SH3D19: variants seen among roughly 807,000 people sequenced by gnomAD.
The protein encoded by SH3D19 is SH3 domain-containing protein 19.
Under a neutral mutation model 112.1 loss-of-function variants are expected in SH3D19, and 58 were observed. The ratio of observed to expected loss-of-function variants is 0.52; its 90% CI spans 0.42 to 0.64. The LOEUF (loss-of-function observed/expected upper bound fraction) is 0.64, where lower values mean the gene tolerates loss of function less well. SH3D19 is among the 30% of genes least tolerant of loss of function. SH3D19 has a pLI of 0.00. For synonymous variants in SH3D19, 391 were observed against 448.5 expected (o/e 0.87, Z 1.62); for missense variants, 1,090 against 1,263.4 (o/e 0.86, Z 2.08).
At chr4:151,164,294 CCG>C (rs1337107684) in intron 8 of SH3D19, among the ~76,000 whole-genome samples, 1 of 152,058 alleles carries the variant, frequency 6.6e-6, no homozygotes, top group Non-Finnish European at 1.5e-5. Flanking sequence ...AATCAGATGC[CCG>C]CAGAGAAAGC....
chr4:151,174,191 C>T (rs1759535526), intron 7 of SH3D19, among the ~76,000 whole-genome samples: 1 of 152,188 alleles, frequency 6.6e-6, no homozygotes, highest in African/African-American at 2.4e-5. Flanking sequence ...CCAGCTGAGG[C>T]CCATTTCATC....
At chr4:151,239,775 T>C (rs1770416748) in intron 1 of SH3D19, among the ~76,000 whole-genome samples, 2 of 152,312 alleles carry the variant, frequency 1.3e-5, no homozygotes, top group South Asian at 4.1e-4. Context: ...GAGGTCCATA[T>C]CATTCATTCT....
intron 4 of SH3D19, 48 bp downstream of exon 4, chr4:151,179,307 C>T: frequency 9.3e-7 from 1 of 1,070,168 alleles, no homozygotes; most frequent in Non-Finnish European, 1.2e-6. Flanking sequence ...CACACTTTTA[C>T]TCAATTATTA....
intron 1 of SH3D19, among the ~76,000 whole-genome samples, chr4:151,267,587 A>G (rs912285229): frequency 6.6e-6 from 1 of 152,220 alleles, no homozygotes; most frequent in African/African-American, 2.4e-5. Flanking sequence ...ACCTTCTAAC[A>G]ACACGTAGTA....
At chr4:151,298,043 G>C (rs1325503582) in intron 1 of SH3D19, among the ~76,000 whole-genome samples, 1 of 152,072 alleles carries the variant, frequency 6.6e-6, no homozygotes, top group Non-Finnish European at 1.5e-5. Context: ...CAATACAGGT[G>C]GCCACTAGGA....
At chr4:151,262,163 G>T (rs1772427581) in intron 1 of SH3D19, among the ~76,000 whole-genome samples, 1 of 152,196 alleles carries the variant, frequency 6.6e-6, no homozygotes, top group Non-Finnish European at 1.5e-5. Flanking sequence ...CAGCCTTTAG[G>T]TTGTTTCCCA....
chr4:151,257,112 A>C (rs541416725), intron 1 of SH3D19, among the ~76,000 whole-genome samples: 4 of 150,782 alleles, frequency 2.7e-5, no homozygotes, highest in Non-Finnish European at 5.9e-5. Context: ...TTTTGAGATG[A>C]AGTCTTGCTC....
chr4:151,324,936 G>A (rs1730904482), intron 1 of SH3D19, among the ~76,000 whole-genome samples: 1 of 152,094 alleles, frequency 6.6e-6, no homozygotes, highest in Non-Finnish European at 1.5e-5. Flanking sequence ...GACTCATCCA[G>A]AGATAAGTCA....
chr4:151,197,909 C>A (rs1228621051), intron 2 of SH3D19, among the ~76,000 whole-genome samples: 1 of 152,024 alleles, frequency 6.6e-6, no homozygotes, highest in Non-Finnish European at 1.5e-5. Flanking sequence ...GAGGCAGATA[C>A]TTTTTTTAAA....
chr4:151,234,007 A>G (rs1769813540), intron 1 of SH3D19, among the ~76,000 whole-genome samples: 1 of 152,168 alleles, frequency 6.6e-6, no homozygotes, highest in Non-Finnish European at 1.5e-5. Flanking sequence ...GTTCATGGAT[A>G]TATCTAATAT....
chr4:151,302,070 C>A (rs533147575), intron 1 of SH3D19, among the ~76,000 whole-genome samples: 1 of 152,280 alleles, frequency 6.6e-6, no homozygotes, highest in South Asian at 2.1e-4. Flanking sequence ...GATTATCCAG[C>A]CACTCAAGGT....
In SH3D19 at chr4:151,279,822, C is replaced by T. The variant is rs776335390; in HGVS notation, c.112+45419G>A. The T allele has an allele frequency of 2.2e-5, 35 of 1,613,820 alleles. No homozygotes were observed. The highest frequency in any genetic ancestry group is 1.7e-4 in the Middle Eastern group (1 of 6,044). On this transcript the variant is annotated intron_variant, in intron 1 of 19. Coordinates refer to ENST00000604030, the MANE Select transcript of SH3D19 (RefSeq NM_001378122.1). The stretch of plus-strand genomic sequence containing the variant: ...GTGTGGGCAACCTGTATACTCCAGC[C>T]GCGTTGTAGGTGGCCAGGATGCTGC...
chr4:151,154,876 G>A (rs2149789527), intron 9 of SH3D19, among the ~76,000 whole-genome samples: 1 of 152,154 alleles, frequency 6.6e-6, no homozygotes, highest in Non-Finnish European at 1.5e-5. Context: ...TCCTGCCTCA[G>A]CCTCCCAAGT....
chr4:151,254,719 T>C (rs1318276238), intron 1 of SH3D19, among the ~76,000 whole-genome samples: 17 of 143,390 alleles, frequency 1.2e-4, no homozygotes, highest in South Asian at 2.2e-4. Flanking sequence ...CCATGTCTAC[T>C]TCTTTCTACA....
chr4:151,223,317 T>A (rs541079157), intron 2 of SH3D19, among the ~76,000 whole-genome samples: 4 of 152,180 alleles, frequency 2.6e-5, no homozygotes, highest in Admixed American at 2.6e-4. Flanking sequence ...TACAAAATGA[T>A]GATTTTCTAA....
intron 1 of SH3D19, among the ~76,000 whole-genome samples, chr4:151,297,080 A>T (rs1191755754): frequency 1.3e-5 from 2 of 152,212 alleles, no homozygotes; most frequent in African/African-American, 2.4e-5. Context: ...AGAACTTTTT[A>T]AAATATATTG....
chr4:151,279,485 T>C (rs1485479661), intron 1 of SH3D19, among the ~76,000 whole-genome samples: 1 of 152,236 alleles, frequency 6.6e-6, no homozygotes, highest in Non-Finnish European at 1.5e-5. Context: ...CTGGAAAATT[T>C]AAATATAAAG....
rs1339866680 is a variant in SH3D19, at chr4:151,128,200, A to G, written c.2899T>C (p.Phe967Leu). Residue 967 changes from phenylalanine to leucine, a missense_variant, in exon 18 of 20, where the codon TTC becomes CTC. By Grantham distance (22) the Phe-to-Leu change is conservative. Coordinates refer to ENST00000604030, the MANE Select transcript of SH3D19 (RefSeq NM_001378122.1). The stretch of plus-strand genomic sequence containing the variant: ...CAGGGCCTCACAAACACTGCTGGGA[A>G]GATCCCCTCCCTGTCCTGCAGTCTG... ...RGRLQDREGI[F>L]PAVFVRPCPA... 2 of 1,611,662 alleles carry G rather than the reference A, an allele frequency of 1.2e-6. No homozygotes were observed. Among genetic ancestry groups the G allele is most frequent in the Non-Finnish European group, 1.7e-6 (2 of 1,178,944 alleles).
chr4:151,321,336 A>C (rs1036149653), intron 1 of SH3D19, among the ~76,000 whole-genome samples: 36 of 152,142 alleles, frequency 2.4e-4, no homozygotes, highest in African/African-American at 6.7e-4. Flanking sequence ...TATTCCCCCC[A>C]CCCTCCACTT....
Sources: gnomAD v4.1 joint callset for allele counts (sites outside exome capture counted in the v4.1 genomes callset) on GRCh38, gnomAD v4.1.1 for gene constraint, MANE v1.5 for transcripts, NCBI Gene and HGNC (gene_info 2026-07-23, HGNC 2026-07-21) for gene names.